SIPA1L3: variants seen among roughly 807,000 people sequenced by gnomAD.
SIPA1L3 encodes the protein signal induced proliferation associated 1 like 3.
Under a neutral mutation model 150.1 loss-of-function variants are expected in SIPA1L3, and 59 were observed. The ratio of observed to expected loss-of-function variants is 0.39; its 90% CI spans 0.32 to 0.49. The LOEUF is 0.49. SIPA1L3 is among the 20% of genes least tolerant of loss of function. SIPA1L3 has a pLI of 0.86. For synonymous variants in SIPA1L3, 1,070 were observed against 1,077.6 expected (o/e 0.99, Z 0.14); for missense variants, 2,211 against 2,489.5 (o/e 0.89, Z 2.38).
chr19:38,138,929 C>T (rs528495332), intron 10 of SIPA1L3, among the ~76,000 whole-genome samples: 15 of 124,826 alleles, frequency 1.2e-4, no homozygotes, highest in Non-Finnish European at 1.7e-4. Flanking sequence ...AGTGTGGTGG[C>T]TCACGCCTGT....
intron 4 of SIPA1L3, among the ~76,000 whole-genome samples, chr19:38,099,725 G>A (rs1360567214): frequency 6.6e-6 from 1 of 152,096 alleles, no homozygotes; most frequent in African/African-American, 2.4e-5. Flanking sequence ...ATACCATCCT[G>A]TACCCATTTC....
At position 38,119,433 on chromosome 19, in the gene SIPA1L3, G is replaced by A. The variant is rs778200795; in HGVS notation, c.2419G>A (p.Ala807Thr). 31 of 1,613,998 alleles carry A rather than the reference G, an allele frequency of 1.9e-5. No homozygotes were observed. Among genetic ancestry groups the A allele is most frequent in the African/African-American group, 5.3e-5 (4 of 74,898 alleles). Residue 807 changes from alanine to threonine, a missense_variant, in exon 9 of 22, where the codon GCG becomes ACG. By Grantham distance (58) the Ala-to-Thr change is moderately conservative. This residue lies in a region of SIPA1L3 where 625 missense variants were observed against 804.2 expected (regional missense o/e 0.78). Coordinates refer to ENST00000222345, the MANE Select transcript of SIPA1L3 (RefSeq NM_015073.3). Reference protein sequence around the residue: ...LAKVINAENAAHKSDKFHTMA... With the variant: ...LAKVINAENATHKSDKFHTMA... Reference sequence around the variant, plus strand: ...CAAGGTGATTAACGCTGAGAACGCCGCGCACAAGTCCGACAAGTTCCACAC... The same window carrying A: ...CAAGGTGATTAACGCTGAGAACGCCACGCACAAGTCCGACAAGTTCCACAC...
intron 4 of SIPA1L3, among the ~76,000 whole-genome samples, chr19:38,090,330 C>CAA (rs55941671): frequency 0.25 from 17,526 of 70,048 alleles, 1,336 homozygotes; most frequent in African/African-American, 0.3. Flanking sequence ...AACTCCATCT[C>CAA]AAAAAAAAAA....
At chr19:38,196,907 T>G (rs1972967301) in intron 18 of SIPA1L3, among the ~76,000 whole-genome samples, 1 of 152,160 alleles carries the variant, frequency 6.6e-6, no homozygotes, top group African/African-American at 2.4e-5. Context: ...AGATATAACC[T>G]CTCTGTGCCT....
At chr19:37,911,512 CTT>C (rs1215377760) in intron 1 of SIPA1L3, among the ~76,000 whole-genome samples, 10 of 143,664 alleles carry the variant, frequency 7.0e-5, no homozygotes, top group African/African-American at 7.6e-5. Flanking sequence ...TCTGAGATGT[CTT>C]TTTTTTTTTT....
At chr19:37,973,039 G>T (rs1966979862) in intron 1 of SIPA1L3, among the ~76,000 whole-genome samples, 1 of 151,876 alleles carries the variant, frequency 6.6e-6, no homozygotes, top group South Asian at 2.1e-4. Context: ...CAGGTGCCTG[G>T]CTAAAATATA....
chr19:38,141,647 G>A (rs912811917), intron 11 of SIPA1L3, among the ~76,000 whole-genome samples: 5 of 152,164 alleles, frequency 3.3e-5, no homozygotes. Context: ...GTGCTGGGGA[G>A]CTCTGGGTTA....
chr19:38,010,438 C>T (rs1037956617), intron 1 of SIPA1L3, among the ~76,000 whole-genome samples: 44 of 148,904 alleles, frequency 3.0e-4, no homozygotes, highest in African/African-American at 9.9e-4. Flanking sequence ...GGTCTGGGCA[C>T]GGTGGCTCAC....
chr19:38,008,759 T>C lies in SIPA1L3; in HGVS notation c.-378-20330T>C, dbSNP rs1297472327. Among the ~76,000 whole-genome samples, 9 of 151,248 alleles carry C rather than the reference T, an allele frequency of 6.0e-5. No homozygotes were observed. The East Asian group carries it at 1.6e-3, about 27-fold the overall frequency. ...TTTTTTGGTAGAGACAGGGTCTCCC[T>C]ATGTTGCCCAGGCTGGTCTCGAACT... On this transcript the variant is annotated intron_variant, in intron 1 of 21. Coordinates refer to ENST00000222345, the MANE Select transcript of SIPA1L3 (RefSeq NM_015073.3).
intron 2 of SIPA1L3, among the ~76,000 whole-genome samples, chr19:38,079,229 A>G (rs1224280513): frequency 6.6e-6 from 1 of 152,148 alleles, no homozygotes; most frequent in African/African-American, 2.4e-5. Context: ...GCTACTCAGG[A>G]GGCTGAGGCA....
chr19:37,973,896 A>G (rs148322138), intron 1 of SIPA1L3, among the ~76,000 whole-genome samples: 1 of 152,296 alleles, frequency 6.6e-6, no homozygotes, highest in African/African-American at 2.4e-5. Flanking sequence ...TCTATGTGTC[A>G]GACTCCACCC....
intron 2 of SIPA1L3, among the ~76,000 whole-genome samples, chr19:38,063,592 G>T (rs1969503096): frequency 6.6e-6 from 1 of 152,222 alleles, no homozygotes; most frequent in Non-Finnish European, 1.5e-5. Flanking sequence ...TGCAGGTCAG[G>T]CTCCGTGCTG....
At chr19:37,973,937 G>A (rs1477294788) in intron 1 of SIPA1L3, among the ~76,000 whole-genome samples, 2 of 152,172 alleles carry the variant, frequency 1.3e-5, no homozygotes, top group African/African-American at 4.8e-5. Context: ...AGGGATTGAT[G>A]TGTTGGCCTG....
chr19:37,999,812 A>G (rs1967738933), intron 1 of SIPA1L3, among the ~76,000 whole-genome samples: 1 of 152,064 alleles, frequency 6.6e-6, no homozygotes, highest in Non-Finnish European at 1.5e-5. Flanking sequence ...ATCATGACAA[A>G]CCTGGCGATA....
intron 2 of SIPA1L3, among the ~76,000 whole-genome samples, chr19:38,049,006 C>T (rs2145755614): frequency 6.6e-6 from 1 of 151,794 alleles, no homozygotes; most frequent in African/African-American, 2.4e-5. Context: ...CGCTTGAACC[C>T]AGGAGGTGGA....
At chr19:37,941,831 G>C (rs1351009262) in intron 1 of SIPA1L3, among the ~76,000 whole-genome samples, 2 of 152,148 alleles carry the variant, frequency 1.3e-5, no homozygotes, top group Admixed American at 1.3e-4. Flanking sequence ...TCCATTCCTA[G>C]ACAAAAGAAC....
chr19:38,103,395 G>A (rs969147501), intron 6 of SIPA1L3, among the ~76,000 whole-genome samples: 20 of 152,236 alleles, frequency 1.3e-4, no homozygotes, highest in Middle Eastern at 3.4e-3. Flanking sequence ...GGGAGGCTGA[G>A]GCAGGTGGAT....
At chr19:38,100,959 C>T (rs754256310) in intron 5 of SIPA1L3, 93 bp from the exon 6 acceptor site, 172 of 1,389,616 alleles carry the variant, frequency 1.2e-4, no homozygotes, top group Non-Finnish European at 1.5e-4. Context: ...CCCAGCAGCT[C>T]CCAGGGCCTC....
chr19:38,178,365 GC>G (rs1972488813), intron 15 of SIPA1L3, among the ~76,000 whole-genome samples: 1 of 151,782 alleles, frequency 6.6e-6, no homozygotes, highest in South Asian at 2.1e-4. Context: ...CAACTCCTGG[GC>G]TCCAGCAGTT....
Sources: allele counts gnomAD v4.1 joint callset (sites outside exome capture counted in the v4.1 genomes callset), GRCh38; gene constraint gnomAD v4.1.1; regional missense constraint gnomAD v4.1.1; transcripts MANE v1.5; gene names NCBI Gene and HGNC (gene_info 2026-07-23, HGNC 2026-07-21).